Variants in GRIK5 observed in about 807,000 individuals in gnomAD.
GRIK5 encodes glutamate ionotropic receptor kainate type subunit 5, also known as glutamate receptor ionotropic, kainate 5.
GRIK5 carries 43 observed loss-of-function variants against 97.4 expected under a neutral mutation model. The observed-to-expected ratio is 0.44, with a 90% CI of 0.35 to 0.57. The LOEUF (loss-of-function observed/expected upper bound fraction) is 0.57, where lower values mean the gene tolerates loss of function less well. Among genes scored for constraint, GRIK5 ranks in the 20% least tolerant of loss-of-function variants. The probability of loss-of-function intolerance (pLI) is 0.01; values close to 1 mark genes in which losing one functional copy is unlikely to be tolerated. For synonymous variants in GRIK5, 580 were observed against 583.5 expected, an observed-to-expected ratio of 0.99 and a Z score of 0.09; for missense variants, 1,015 against 1,382.0, an observed-to-expected ratio of 0.73 and a Z score of 4.21.
chr19:42,000,659 C>G (rs1328334269), intron 19 of GRIK5, among the ~76,000 whole-genome samples: 3 of 152,204 alleles, frequency 2.0e-5, no homozygotes, highest in African/African-American at 7.2e-5. Context: ...CAAGATCCCA[C>G]CTCCCGCGTC....
At chr19:42,046,542 T>G (rs531546410) in intron 11 of GRIK5, among the ~76,000 whole-genome samples, 1 of 152,282 alleles carries the variant, frequency 6.6e-6, no homozygotes, top group East Asian at 1.9e-4. Flanking sequence ...CAGCATTGCT[T>G]GTAGTGAGAA....
In GRIK5 at chr19:42,062,420, G is replaced by A; in HGVS notation, c.508+68C>T. 1 of 1,526,996 alleles carries A rather than the reference G, an allele frequency of 6.5e-7. No homozygotes were observed. 94.6% of individuals were successfully genotyped at this position (1,526,996 alleles called of 1,614,324 possible). A position where few individuals can be genotyped will look rare whatever the true frequency, so the allele number is the denominator to read the frequency against. On this transcript the variant is annotated intron_variant, in intron 5 of 19. Transcript: ENST00000593562. The surrounding 1 kb of genome is among the most constrained non-coding windows in gnomAD (Gnocchi z 5.3). ...ACTAGGGGGCAGTGAACCACTGTGT[G>A]GGACACCAGATCTCTTGGGAAGGGG...
intron 15 of GRIK5, among the ~76,000 whole-genome samples, chr19:42,012,104 C>G (rs2075569979): frequency 6.6e-6 from 1 of 152,146 alleles, no homozygotes; most frequent in South Asian, 2.1e-4. Flanking sequence ...TGGTTTGAAC[C>G]AGCGGCTGGC....
chr19:42,069,142 G>T, intron 1 of GRIK5, 99 bp downstream of exon 1: 1 of 405,134 alleles, frequency 2.5e-6, no homozygotes, highest in Non-Finnish European at 4.4e-6. Flanking sequence ...TGCCAGTCCG[G>T]AGAACGGGGA....
At chr19:42,030,135 C>T (rs186739672) in intron 12 of GRIK5, among the ~76,000 whole-genome samples, 350 of 152,208 alleles carry the variant, frequency 2.3e-3, no homozygotes, top group Non-Finnish European at 3.3e-3. Flanking sequence ...ATTCAAATAA[C>T]TGATATGATT....
Position 42,042,811 on chromosome 19 carries a change from C to T in GRIK5, c.1270-56G>A, listed in dbSNP as rs1050098684. 157 of 1,425,724 alleles carry T rather than the reference C, an allele frequency of 1.1e-4. No individual in the cohort carries two copies. Among genetic ancestry groups the T allele is most frequent in the Non-Finnish European group, 1.4e-4 (144 of 1,027,474 alleles). 88.3% of individuals were successfully genotyped at this position (1,425,724 alleles called of 1,614,324 possible). Reference sequence around the variant, plus strand: ...GGCTGGGTGTCTAGTGGCTGGGTTGCGGATCCTGGAGCCCGGACCAGGCAG... The same window carrying T: ...GGCTGGGTGTCTAGTGGCTGGGTTGTGGATCCTGGAGCCCGGACCAGGCAG... On this transcript the variant is annotated intron_variant, in intron 11 of 19. Coordinates refer to ENST00000593562, the MANE Select transcript of GRIK5 (RefSeq NM_002088.5). This position sits in a 1 kb window ranked among gnomAD's most constrained non-coding sequence, Gnocchi z 6.9.
intron 12 of GRIK5, among the ~76,000 whole-genome samples, chr19:42,035,133 C>T (rs1443707714): frequency 6.6e-6 from 1 of 152,020 alleles, no homozygotes; most frequent in African/African-American, 2.4e-5. Flanking sequence ...CATGCGCCAC[C>T]ACATCCAGCT....
chr19:42,001,917 A>G, intron 19 of GRIK5: 1 of 571,860 alleles, frequency 1.7e-6, no homozygotes, highest in Non-Finnish European at 3.1e-6. Context: ...GACCGAGAAG[A>G]GAAGCAGTCT....
chr19:42,050,207 G>C lies in GRIK5; in HGVS notation c.1269+3395C>G, dbSNP rs1206372621. ...AGTCTCCCAAAGTGCTGGGGTTACA[G>C]GTGTGAACCACCATGCCCAGACTGC... is the stretch of plus-strand genomic sequence containing the variant. On this transcript the variant is annotated intron_variant, in intron 11 of 19. Transcript: ENST00000593562. Among the ~76,000 whole-genome samples the C allele has an allele frequency of 2.0e-5, 3 of 152,138 alleles. No homozygotes were observed. In the East Asian group the frequency reaches 5.8e-4, roughly 29 times the overall value.
Position 42,006,567 on chromosome 19 carries a change from C to A in GRIK5, c.2037+78G>T. On this transcript the variant is annotated intron_variant, in intron 16 of 19. Coordinates refer to ENST00000593562, the MANE Select transcript of GRIK5 (RefSeq NM_002088.5). The surrounding 1 kb of genome is among the most constrained non-coding windows in gnomAD (Gnocchi z 5.3). Reference sequence around the variant, plus strand: ...CAATCAGTCCCTCTGACCCAGGAGACCCTGCCCAGACCCATCCTGAGCTGC... The same window carrying A: ...CAATCAGTCCCTCTGACCCAGGAGAACCTGCCCAGACCCATCCTGAGCTGC... 7.7e-7 allele frequency: 1 copy of A among 1,302,492 alleles called. No individual in the cohort carries two copies. The highest frequency in any genetic ancestry group is 1.1e-6 in the Non-Finnish European group (1 of 911,828). The allele number at this position is 1,302,492 out of a possible 1,614,324, so 80.7% of individuals were successfully genotyped here. A position where few individuals can be genotyped will look rare whatever the true frequency, so the allele number is the denominator to read the frequency against.
intron 15 of GRIK5, among the ~76,000 whole-genome samples, chr19:42,011,574 T>A (rs1041431651): frequency 6.6e-6 from 1 of 151,256 alleles, no homozygotes; most frequent in Non-Finnish European, 1.5e-5. Context: ...AAAAAAGTAT[T>A]TTGTAATAAA....
intron 1 of GRIK5, among the ~76,000 whole-genome samples, chr19:42,067,143 G>C (rs2076345309): frequency 6.6e-6 from 1 of 152,226 alleles, no homozygotes; most frequent in African/African-American, 2.4e-5. Flanking sequence ...ATGGAGTAGG[G>C]TTACTGTGGG....
At chr19:42,001,823 A>G (rs1229563792) in intron 19 of GRIK5, 1 of 400,214 alleles carries the variant, frequency 2.5e-6, no homozygotes, top group Non-Finnish European at 4.5e-6. Flanking sequence ...TATGATAGCA[A>G]TAGATAACTA....
intron 17 of GRIK5, among the ~76,000 whole-genome samples, chr19:42,004,662 C>G (rs996333780): frequency 6.6e-6 from 1 of 152,158 alleles, no homozygotes; most frequent in Non-Finnish European, 1.5e-5. Flanking sequence ...CACTTGGTTA[C>G]CCAGGCTGGC....
At chr19:42,055,343 T>G (rs976700762) in intron 8 of GRIK5, among the ~76,000 whole-genome samples, 1 of 152,230 alleles carries the variant, frequency 6.6e-6, no homozygotes, top group Non-Finnish European at 1.5e-5. Flanking sequence ...ACTGGACAGC[T>G]TGGTGTCCAT....
In GRIK5 at chr19:42,062,154, C is replaced by G. The variant is rs961387475; in HGVS notation, c.508+334G>C. ...ACCAGAGGCTCCACGTGCCTCCTGG[C>G]AGCACACATACCACTCTGTATCACA... On this transcript the variant is annotated intron_variant, in intron 5 of 19. Coordinates refer to ENST00000593562, the MANE Select transcript of GRIK5 (RefSeq NM_002088.5). The surrounding 1 kb of genome is among the most constrained non-coding windows in gnomAD (Gnocchi z 5.3). Among the ~76,000 whole-genome samples, 3 of 152,200 alleles carry G rather than the reference C, an allele frequency of 2.0e-5. No homozygotes were observed. Among genetic ancestry groups the G allele is most frequent in the Non-Finnish European group, 2.9e-5 (2 of 68,028 alleles).
At position 42,003,346 on chromosome 19, in the gene GRIK5, C is replaced by T. The variant is rs1555871498; in HGVS notation, c.2500G>A (p.Ala834Thr). The change falls in exon 19 of 20, where the codon GCT (alanine) becomes ACT (threonine). Residue 834 changes from alanine (A) to threonine (T), a missense_variant. By Grantham distance (58) the Ala-to-Thr change is moderately conservative. Transcript: ENST00000593562. This position sits in a 1 kb window ranked among gnomAD's most constrained non-coding sequence, Gnocchi z 4.2. Reference protein sequence around the residue: ...MEFIWSTRRSAESEEVSVCQE... With the variant: ...MEFIWSTRRSTESEEVSVCQE... Reference sequence around the variant, plus strand: ...AGCCTCCTCACCTCCTCGGACTCAGCTGACCTCCGTGTGGACCATATGAAT... The same window carrying T: ...AGCCTCCTCACCTCCTCGGACTCAGTTGACCTCCGTGTGGACCATATGAAT... 1.2e-6 allele frequency: 2 copies of T among 1,612,566 alleles called. No individual in the cohort carries two copies. Among genetic ancestry groups the T allele is most frequent in the Non-Finnish European group, 1.7e-6 (2 of 1,179,330 alleles).
At chr19:42,039,963 G>C (rs1031380294) in intron 12 of GRIK5, among the ~76,000 whole-genome samples, 2 of 151,682 alleles carry the variant, frequency 1.3e-5, no homozygotes, top group Non-Finnish European at 2.9e-5. Flanking sequence ...CTGGGCAACA[G>C]AGAGAGACCC....
rs551662407 is a variant in GRIK5 at position 42,021,434 on chromosome 19, G to A, written c.1738C>T (p.Arg580Trp). 1.7e-5 allele frequency: 28 copies of A among 1,604,454 alleles called. No homozygotes were observed. The highest frequency in any genetic ancestry group is 1.7e-4 in the Middle Eastern group (1 of 5,956). ...TTCTCCAGGATGTGGGGGCGTGCCC[G>A]CAGGCATGGGTGTGGGTTATACCAC... The part of the protein sequence containing the change: ...YEWYNPHPCL[R>W]ARPHILENQY... Residue 580 changes from arginine to tryptophan, a missense_variant, in exon 15 of 20, where the codon CGG (arginine) becomes TGG (tryptophan). Coordinates refer to ENST00000593562, the MANE Select transcript of GRIK5 (RefSeq NM_002088.5). This position sits in a 1 kb window ranked among gnomAD's most constrained non-coding sequence, Gnocchi z 4.2.
Sources: gnomAD v4.1 joint callset for allele counts (sites outside exome capture counted in the v4.1 genomes callset) on GRCh38, gnomAD v4.1.1 for gene constraint, Gnocchi (gnomAD v3.1) non-coding constraint, MANE v1.5 for transcripts, NCBI Gene and HGNC (gene_info 2026-07-23, HGNC 2026-07-21) for gene names.